PARD3: variants seen among roughly 807,000 people sequenced by gnomAD.
PARD3 encodes the protein partitioning defective 3 homolog.
Under a neutral mutation model 155.4 loss-of-function variants are expected in PARD3, and 75 were observed. The observed-to-expected ratio is 0.48, with a 90% CI of 0.40 to 0.58. The LOEUF is 0.58. Ranked by LOEUF, PARD3 falls within the 20% of genes least tolerant of loss-of-function variation. PARD3 has a pLI of 0.00. For synonymous variants in PARD3, 576 were observed against 610.5 expected (o/e 0.94, Z 0.83); for missense variants, 1,642 against 1,721.7 (o/e 0.95, Z 0.82).
chr10:34,542,202 G>GAT (rs1564825957), intron 2 of PARD3, among the ~76,000 whole-genome samples: 3 of 65,704 alleles, frequency 4.6e-5, no homozygotes. Flanking sequence ...GGTTGTTTGG[G>GAT]GTGTGTGTGT....
intron 2 of PARD3, among the ~76,000 whole-genome samples, chr10:34,541,208 T>A (rs1258493414): frequency 6.6e-6 from 1 of 152,228 alleles, no homozygotes; most frequent in East Asian, 1.9e-4. Flanking sequence ...GAAACCTTCA[T>A]CCTGTACATA....
chr10:34,200,968 C>G (rs1021576223), intron 22 of PARD3, among the ~76,000 whole-genome samples: 1 of 152,180 alleles, frequency 6.6e-6, no homozygotes, highest in Non-Finnish European at 1.5e-5. Flanking sequence ...CACTGCCTGC[C>G]TTTCCTCTCT....
At chr10:34,142,249 A>G (rs1402188348) in intron 22 of PARD3, among the ~76,000 whole-genome samples, 2 of 152,188 alleles carry the variant, frequency 1.3e-5, no homozygotes, top group Non-Finnish European at 2.9e-5. Context: ...GCACTTTAGA[A>G]AATAAAATGT....
At chr10:34,611,915 T>G in intron 2 of PARD3, among the ~76,000 whole-genome samples, 2 of 135,608 alleles carry the variant, frequency 1.5e-5, no homozygotes, top group South Asian at 2.7e-4. Context: ...GTTCACACCA[T>G]TCCCCTGCCT....
chr10:34,634,170 C>G (rs958068911), intron 2 of PARD3, among the ~76,000 whole-genome samples: 1 of 152,130 alleles, frequency 6.6e-6, no homozygotes, highest in Non-Finnish European at 1.5e-5. Context: ...GGGAATAGAT[C>G]CAAGGCGGCT....
In PARD3 at chr10:34,401,849, C is replaced by A. The variant is rs1843915689; in HGVS notation, c.783G>T (p.Glu261Asp). 1 of 1,613,234 alleles carries A rather than the reference C, an allele frequency of 6.2e-7. No individual in the cohort carries two copies. The highest frequency in any genetic ancestry group is 8.5e-7 in the Non-Finnish European group (1 of 1,179,392). Residue 261 changes from glutamate (E) to aspartate (D), a missense_variant, in exon 6 of 25, where the codon GAG (glutamate) becomes GAT (aspartate). Transcript: ENST00000374788. ...EPVGHADTGL[E>D]HIPNFSLDDM... Reference sequence around the variant, plus strand: ...ACTCCAGAGAAAAGTTGGGTATATGCTCCAAACCCGTGTCAGCATGTCCAA... The same window carrying A: ...ACTCCAGAGAAAAGTTGGGTATATGATCCAAACCCGTGTCAGCATGTCCAA...
intron 2 of PARD3, among the ~76,000 whole-genome samples, chr10:34,529,325 T>G (rs1229704673): frequency 1.3e-5 from 2 of 152,128 alleles, no homozygotes; most frequent in Non-Finnish European, 2.9e-5. Context: ...TTTTGAGAAC[T>G]GACTAAAGAA....
At chr10:34,569,435 G>T in intron 2 of PARD3, among the ~76,000 whole-genome samples, 1 of 151,648 alleles carries the variant, frequency 6.6e-6, no homozygotes. Context: ...ATATTTTTTT[G>T]GAGACAGAGT....
chr10:34,392,883 AACC>A (rs1239583858), intron 7 of PARD3, among the ~76,000 whole-genome samples: 4 of 152,172 alleles, frequency 2.6e-5, no homozygotes, highest in Non-Finnish European at 5.9e-5. Flanking sequence ...TAGAATGTAA[AACC>A]ATCATGGCAG....
At chr10:34,203,525 C>T (rs1296725296) in intron 22 of PARD3, among the ~76,000 whole-genome samples, 1 of 152,204 alleles carries the variant, frequency 6.6e-6, no homozygotes, top group Non-Finnish European at 1.5e-5. Flanking sequence ...TTGCATATAA[C>T]CTACCCACAT....
chr10:34,316,923 G>T (rs763111963), intron 20 of PARD3, among the ~76,000 whole-genome samples, 184 bp downstream of exon 20: 5 of 152,132 alleles, frequency 3.3e-5, no homozygotes, highest in African/African-American at 4.8e-5. Context: ...TTTAGAGAGA[G>T]AATGGAATGA....
At chr10:34,524,787 A>T (rs1376370385) in intron 2 of PARD3, among the ~76,000 whole-genome samples, 2 of 152,210 alleles carry the variant, frequency 1.3e-5, no homozygotes, top group Admixed American at 6.5e-5. Context: ...AATCACATAC[A>T]GATAGGTTGA....
At chr10:34,674,478 A>ATTTTT (rs11402018) in intron 2 of PARD3, among the ~76,000 whole-genome samples, 1 of 79,528 alleles carries the variant, frequency 1.3e-5, no homozygotes, top group Non-Finnish European at 2.3e-5. Flanking sequence ...CACGCTCTTG[A>ATTTTT]TTTTTTTTTT....
Position 34,378,113 on chromosome 10 carries a change from A to G in PARD3, c.1400-7T>C, listed in dbSNP as rs201327891. Reference sequence around the variant, plus strand: ...AATCCCAAACCTTCTGTACCTAGGTATGTGAAGGAGAAGAAAAGTAAATAA... The same window carrying G: ...AATCCCAAACCTTCTGTACCTAGGTGTGTGAAGGAGAAGAAAAGTAAATAA... On this transcript the variant is annotated splice_region_variant and splice_polypyrimidine_tract_variant and intron_variant, in intron 9 of 24. Transcript: ENST00000374788. 1 of 1,570,316 alleles carries G rather than the reference A, an allele frequency of 6.4e-7. No individual in the cohort carries two copies. Among genetic ancestry groups the G allele is most frequent in the East Asian group, 2.4e-5 (1 of 41,084 alleles).
rs546702952 is a variant in PARD3 at position 34,703,887 on chromosome 10, A to C, written c.121-7468T>G. Among the ~76,000 whole-genome samples the C allele has an allele frequency of 1.8e-4, 27 of 152,306 alleles. 1 individual carries two copies. Among genetic ancestry groups the C allele is most frequent in the African/African-American group, 5.8e-4 (24 of 41,556 alleles). On this transcript the variant is annotated intron_variant, in intron 1 of 24. Coordinates refer to ENST00000374788, the MANE Select transcript of PARD3 (RefSeq NM_001184785.2). ...TCCATTTCTTGCCCAAATACCGGTAAAGTATGAAGGTAGAAAAAAGACCTT... is the reference window on the plus strand; with the variant it reads ...TCCATTTCTTGCCCAAATACCGGTACAGTATGAAGGTAGAAAAAAGACCTT...
At chr10:34,210,945 C>T (rs868306175) in intron 22 of PARD3, among the ~76,000 whole-genome samples, 1 of 152,138 alleles carries the variant, frequency 6.6e-6, no homozygotes, top group Non-Finnish European at 1.5e-5. Context: ...GTTCAGGTGA[C>T]ACCTACCAAT....
rs150702839 is a variant in PARD3 at position 34,128,197 on chromosome 10, T to C, written c.3540+3266A>G. On this transcript the variant is annotated intron_variant, in intron 23 of 24. Transcript: ENST00000374788. ...AAGTTAAAGCTCTTCAAACTACAGT[T>C]GACCCTTGAACACCATGAGTTTGAA... 8.6e-4 allele frequency among the ~76,000 whole-genome samples: 131 copies of C among 152,296 alleles called. 1 individual carries two copies. In the East Asian group the frequency reaches 0.018, roughly 21 times the overall value.
chr10:34,733,512 C>T (rs111827157), intron 1 of PARD3, among the ~76,000 whole-genome samples: 5 of 152,024 alleles, frequency 3.3e-5, no homozygotes, highest in African/African-American at 1.2e-4. Flanking sequence ...GAGATTGAGT[C>T]TCACTCTGTC....
At chr10:34,728,688 A>T (rs2133797101) in intron 1 of PARD3, among the ~76,000 whole-genome samples, 1 of 152,332 alleles carries the variant, frequency 6.6e-6, no homozygotes, top group East Asian at 1.9e-4. Context: ...ATTGCCCAGC[A>T]GAATACAACC....
Sources: allele counts gnomAD v4.1 joint callset (sites outside exome capture counted in the v4.1 genomes callset), GRCh38; gene constraint gnomAD v4.1.1; transcripts MANE v1.5; gene names NCBI Gene and HGNC (gene_info 2026-07-23, HGNC 2026-07-21).